The following WDFY3 variants were observed in gnomAD, a reference collection of about 807,000 sequenced individuals.
WDFY3 encodes the protein WD repeat and FYVE domain containing 3.
A neutral mutation model predicts 409.6 loss-of-function variants in WDFY3; 66 were observed. The ratio of observed to expected loss-of-function variants is 0.16; its 90% confidence interval spans 0.13 to 0.20. The LOEUF is 0.20. WDFY3 is among the 10% of genes least tolerant of loss of function. WDFY3 has a pLI of 1.00. For missense variants in WDFY3, 3,031 were observed against 4,298.1 expected (o/e 0.71, Z 8.24); for synonymous variants, 1,521 against 1,537.1 (o/e 0.99, Z 0.25).
chr4:84,722,912 G>C, intron 46 of WDFY3, among the ~76,000 whole-genome samples: 1 of 152,158 alleles, frequency 6.6e-6, no homozygotes, highest in Admixed American at 6.5e-5. Context: ...ATCAAATCCT[G>C]CAGAGAACAT....
At chr4:84,781,426 T>G (rs2149485735) in intron 25 of WDFY3, among the ~76,000 whole-genome samples, 1 of 149,796 alleles carries the variant, frequency 6.7e-6, no homozygotes, top group South Asian at 2.2e-4. Context: ...AGGGTCTCAT[T>G]GTCACCCAGG....
chr4:84,820,633 C>G (rs1156527892), intron 11 of WDFY3, among the ~76,000 whole-genome samples: 1 of 151,918 alleles, frequency 6.6e-6, no homozygotes, highest in South Asian at 2.1e-4. Flanking sequence ...CAGAGAGGTA[C>G]CCAATGATAA....
Position 84,826,671 on chromosome 4 carries a change from A to G in WDFY3, c.1123+144T>C. On this transcript the variant is annotated intron_variant, in intron 10 of 67. Transcript: ENST00000295888. ...AGGTTATTACTTAAGAAATACTTAA[A>G]CCATTAAAAAAAAAACAAGCTTTAA... The G allele has an allele frequency of 7.3e-6, 5 of 681,582 alleles. 1 individual carries two copies. Among genetic ancestry groups the G allele is most frequent in the Non-Finnish European group, 1.0e-5 (5 of 479,762 alleles). The allele number at this position is 681,582 out of a possible 1,614,324, so 42.2% of individuals were successfully genotyped here. A position where few individuals can be genotyped will look rare whatever the true frequency, so the allele number is the denominator to read the frequency against.
chr4:84,832,124 G>A (rs1446748957), intron 7 of WDFY3, among the ~76,000 whole-genome samples: 2 of 151,818 alleles, frequency 1.3e-5, no homozygotes, highest in African/African-American at 4.8e-5. Flanking sequence ...AAGAAAACAT[G>A]GAATATATAT....
chr4:84,901,684 G>C (rs1480217237), intron 2 of WDFY3, among the ~76,000 whole-genome samples: 1 of 152,112 alleles, frequency 6.6e-6, no homozygotes, highest in Non-Finnish European at 1.5e-5. Flanking sequence ...AAAACAATAA[G>C]ATAACAAGGA....
intron 30 of WDFY3, 89 bp from the exon 31 acceptor site, chr4:84,766,461 T>C: frequency 7.7e-7 from 1 of 1,297,330 alleles, no homozygotes; most frequent in Non-Finnish European, 1.1e-6. Flanking sequence ...TACTGAAAAA[T>C]ATATCTTTTA....
Position 84,828,111 on chromosome 4 carries a change from A to G in WDFY3, c.956+893T>C, listed in dbSNP as rs577099584. Among the ~76,000 whole-genome samples, 14 of 151,826 alleles carry G rather than the reference A, an allele frequency of 9.2e-5. No homozygotes were observed. The South Asian group carries it at 1.5e-3, about 16-fold the overall frequency. ...GGAGGGAGGGAGGAAGGGAGGAAGG[A>G]AGGGAGGGAGACAAGTAAGTTTACA... is the stretch of plus-strand genomic sequence containing the variant. On this transcript the variant is annotated intron_variant, in intron 9 of 67. Coordinates refer to ENST00000295888, the MANE Select transcript of WDFY3 (RefSeq NM_014991.6).
intron 26 of WDFY3, 74 bp from the exon 27 acceptor site, chr4:84,778,729 A>G: frequency 6.8e-7 from 1 of 1,468,006 alleles, no homozygotes; most frequent in Non-Finnish European, 9.2e-7. Flanking sequence ...AAACACACAC[A>G]TACACACACA....
intron 27 of WDFY3, among the ~76,000 whole-genome samples, chr4:84,776,320 A>G (rs1745539567): frequency 6.6e-6 from 1 of 152,050 alleles, no homozygotes; most frequent in Non-Finnish European, 1.5e-5. Flanking sequence ...TATTTGTCAA[A>G]TGAGTATTCT....
chr4:84,743,739 T>A lies in WDFY3; in HGVS notation c.6034A>T (p.Ser2012Cys). ...QKEFQTYILDSVMDHLLAADV... is the reference protein window; with the variant it reads ...QKEFQTYILDCVMDHLLAADV... The stretch of plus-strand genomic sequence containing the variant: ...GCTGCAAGCAAATGGTCCATCACGC[T>A]ATCCAAAATGTAAGTTTGAAATTCT... The change falls in exon 37 of 68, where the codon AGC becomes TGC. Residue 2012 changes from serine to cysteine, a missense_variant. Ser to Cys is a moderately radical substitution (Grantham distance 112, BLOSUM62 -1). This residue lies in a region of WDFY3 where 314 missense variants were observed against 397.4 expected (regional missense o/e 0.79). Transcript: ENST00000295888. The A allele has an allele frequency of 6.3e-7, 1 of 1,597,448 alleles. No homozygotes were observed. The highest frequency in any genetic ancestry group is 8.5e-7 in the Non-Finnish European group (1 of 1,169,734).
intron 10 of WDFY3, 98 bp from the exon 11 acceptor site, chr4:84,821,649 C>T: frequency 9.9e-7 from 1 of 1,008,252 alleles, no homozygotes; most frequent in South Asian, 1.8e-5. Context: ...TAACATTTAT[C>T]AATTATTTAC....
chr4:84,676,005 C>A (rs1057235035), intron 67 of WDFY3, among the ~76,000 whole-genome samples: 3 of 152,156 alleles, frequency 2.0e-5, no homozygotes, highest in Non-Finnish European at 2.9e-5. Flanking sequence ...ACAAGATTAT[C>A]TTTGTGATCC....
chr4:84,909,942 A>AT (rs1767545692), intron 2 of WDFY3, among the ~76,000 whole-genome samples: 1 of 152,160 alleles, frequency 6.6e-6, no homozygotes, highest in Non-Finnish European at 1.5e-5. Context: ...AATATTTGCC[A>AT]TTCTTTTTGG....
chr4:84,877,015 C>A (rs770648481), intron 3 of WDFY3, among the ~76,000 whole-genome samples: 1 of 152,194 alleles, frequency 6.6e-6, no homozygotes, highest in Non-Finnish European at 1.5e-5. Context: ...AAGAAGGCTA[C>A]GCTCTCCAAA....
chr4:84,844,942 G>A (rs1757878677), intron 5 of WDFY3, among the ~76,000 whole-genome samples: 1 of 152,218 alleles, frequency 6.6e-6, no homozygotes, highest in Admixed American at 6.5e-5. Flanking sequence ...GAGACAAGGA[G>A]ACTGTGACTT....
At chr4:84,813,233 C>T (rs544225734) in intron 13 of WDFY3, among the ~76,000 whole-genome samples, 1 of 152,252 alleles carries the variant, frequency 6.6e-6, no homozygotes, top group South Asian at 2.1e-4. Flanking sequence ...TGAGAACCCA[C>T]ATTTTCCCTA....
chr4:84,911,312 C>A (rs1339138907), intron 2 of WDFY3, among the ~76,000 whole-genome samples: 1 of 152,066 alleles, frequency 6.6e-6, no homozygotes, highest in African/African-American at 2.4e-5. Flanking sequence ...CATAGTGAGA[C>A]CCCTGCCTCT....
intron 10 of WDFY3, among the ~76,000 whole-genome samples, chr4:84,822,880 G>A (rs1344206574): frequency 6.6e-6 from 1 of 152,028 alleles, no homozygotes; most frequent in Non-Finnish European, 1.5e-5. Flanking sequence ...TTTGTTTCCT[G>A]TGTCTATCAG....
intron 3 of WDFY3, among the ~76,000 whole-genome samples, chr4:84,884,632 AG>A (rs1370544650): frequency 2.0e-5 from 3 of 152,194 alleles, no homozygotes; most frequent in African/African-American, 7.2e-5. Flanking sequence ...GAAACATAAC[AG>A]GTAACAATGA....
Sources: gnomAD v4.1 joint callset for allele counts (sites outside exome capture counted in the v4.1 genomes callset) on GRCh38, gnomAD v4.1.1 for gene constraint, gnomAD v4.1.1 regional missense constraint, MANE v1.5 for transcripts, NCBI Gene and HGNC (gene_info 2026-07-23, HGNC 2026-07-21) for gene names.